Variants in IMMP2L observed in about 807,000 individuals in gnomAD.
The protein encoded by IMMP2L is inner mitochondrial membrane peptidase subunit 2.
Under a neutral mutation model 19.3 loss-of-function variants are expected in IMMP2L, and 18 were observed. That is an observed-to-expected ratio of 0.93 (90% CI 0.64 to 1.38). The LOEUF is 1.38. IMMP2L is among the 40% of genes most tolerant of loss of function. The pLI, the probability that IMMP2L is intolerant of heterozygous loss-of-function variation, is 0.00. For missense variants in IMMP2L, 233 were observed against 218.2 expected (o/e 1.07, Z -0.43); for synonymous variants, 76 against 73.0 (o/e 1.04, Z -0.21).
chr7:111,001,574 T>C (rs547311173), intron 3 of IMMP2L, among the ~76,000 whole-genome samples: 1 of 152,246 alleles, frequency 6.6e-6, no homozygotes, highest in African/African-American at 2.4e-5. Flanking sequence ...TATTATGAAA[T>C]TTGGAAAACA....
intron 2 of IMMP2L, among the ~76,000 whole-genome samples, chr7:111,491,623 T>C (rs926506249): frequency 1.3e-5 from 2 of 152,158 alleles, no homozygotes; most frequent in African/African-American, 4.8e-5. Flanking sequence ...TGCTGAGGAA[T>C]GGAGCTTTTG....
intron 1 of IMMP2L, among the ~76,000 whole-genome samples, chr7:111,546,381 G>C (rs555937445): frequency 2.0e-5 from 3 of 151,922 alleles, no homozygotes; most frequent in Non-Finnish European, 4.4e-5. Flanking sequence ...TTAAAAAAAG[G>C]CATCTCATTA....
intron 3 of IMMP2L, among the ~76,000 whole-genome samples, chr7:111,297,371 C>G (rs1173480905): frequency 6.6e-6 from 1 of 152,040 alleles, no homozygotes; most frequent in African/African-American, 2.4e-5. Context: ...AACTATGACT[C>G]TATTTCAAAA....
At chr7:111,378,385 T>C (rs1258819660) in intron 3 of IMMP2L, among the ~76,000 whole-genome samples, 1 of 151,996 alleles carries the variant, frequency 6.6e-6, no homozygotes, top group African/African-American at 2.4e-5. Context: ...AATATAAAAA[T>C]TGATAAAACT....
chr7:111,193,613 T>A (rs1247277580), intron 3 of IMMP2L, among the ~76,000 whole-genome samples: 6 of 152,014 alleles, frequency 3.9e-5, no homozygotes, highest in Admixed American at 3.3e-4. Context: ...AATATAGTCC[T>A]CCGAATGGGA....
At chr7:111,251,726 C>T (rs967121886) in intron 3 of IMMP2L, among the ~76,000 whole-genome samples, 3 of 151,960 alleles carry the variant, frequency 2.0e-5, no homozygotes, top group East Asian at 1.9e-4. Context: ...GGGAATACCA[C>T]GAACTGGGGC....
intron 3 of IMMP2L, among the ~76,000 whole-genome samples, chr7:111,036,874 T>C (rs934603393): frequency 6.6e-6 from 1 of 152,190 alleles, no homozygotes; most frequent in African/African-American, 2.4e-5. Context: ...CATTTATTCA[T>C]GATATCATAA....
chr7:111,373,588 T>G (rs1830431291), intron 3 of IMMP2L, among the ~76,000 whole-genome samples: 1 of 152,004 alleles, frequency 6.6e-6, no homozygotes, highest in Admixed American at 6.6e-5. Context: ...CTTGACAACT[T>G]CAGTTATAAG....
chr7:111,242,935 T>C (rs1815293812), intron 3 of IMMP2L, among the ~76,000 whole-genome samples: 1 of 152,134 alleles, frequency 6.6e-6, no homozygotes, highest in East Asian at 1.9e-4. Flanking sequence ...CACTGGTATT[T>C]CTTAATTTGT....
At chr7:110,772,058 T>C (rs1799078506) in intron 5 of IMMP2L, among the ~76,000 whole-genome samples, 1 of 152,140 alleles carries the variant, frequency 6.6e-6, no homozygotes, top group Admixed American at 6.6e-5. Flanking sequence ...TAGCAGCATA[T>C]GAAACCCTCC....
chr7:111,197,628 A>G (rs191267327), intron 3 of IMMP2L, among the ~76,000 whole-genome samples: 1 of 152,320 alleles, frequency 6.6e-6, no homozygotes, highest in East Asian at 1.9e-4. Context: ...CCAAAGTACC[A>G]TCTGTCATCA....
At chr7:111,273,945 TA>T (rs1818747942) in intron 3 of IMMP2L, among the ~76,000 whole-genome samples, 1 of 152,168 alleles carries the variant, frequency 6.6e-6, no homozygotes, top group South Asian at 2.1e-4. Flanking sequence ...ATATACTTCT[TA>T]AATTTTATGG....
chr7:110,993,528 C>T (rs1365576827), intron 3 of IMMP2L, among the ~76,000 whole-genome samples: 2 of 151,812 alleles, frequency 1.3e-5, no homozygotes, highest in African/African-American at 4.8e-5. Flanking sequence ...AACAGAAGTC[C>T]TCCCCAAAGC....
chr7:111,187,040 C>G (rs923774409), intron 3 of IMMP2L, among the ~76,000 whole-genome samples: 1 of 151,790 alleles, frequency 6.6e-6, no homozygotes, highest in Non-Finnish European at 1.5e-5. Flanking sequence ...ACTTTTTCTC[C>G]ATAAATGAAT....
At chr7:111,281,092 G>A (rs111861799) in intron 3 of IMMP2L, among the ~76,000 whole-genome samples, 11 of 45,112 alleles carry the variant, frequency 2.4e-4, no homozygotes, top group Admixed American at 2.0e-3. Context: ...AGGAAAGAGA[G>A]AGAAAGAGAG....
chr7:111,237,252 G>T (rs1325992174), intron 3 of IMMP2L, among the ~76,000 whole-genome samples: 1 of 152,022 alleles, frequency 6.6e-6, no homozygotes. Context: ...TCAGTAAAAG[G>T]AAGAAGAAAA....
At chr7:110,973,432 C>T (rs1820358889) in intron 3 of IMMP2L, among the ~76,000 whole-genome samples, 1 of 152,038 alleles carries the variant, frequency 6.6e-6, no homozygotes, top group Admixed American at 6.6e-5. Context: ...TTTCAAGAAG[C>T]TAAAGATTCT....
chr7:111,019,455 C>T (rs1419770574), intron 3 of IMMP2L, among the ~76,000 whole-genome samples: 1 of 152,070 alleles, frequency 6.6e-6, no homozygotes, highest in Non-Finnish European at 1.5e-5. Context: ...ACCCCACCCT[C>T]CTGGGAGCAC....
At chr7:110,746,810 A>G (rs1797374957) in intron 5 of IMMP2L, among the ~76,000 whole-genome samples, 1 of 152,226 alleles carries the variant, frequency 6.6e-6, no homozygotes, top group Admixed American at 6.5e-5. Context: ...GGAAAGATCT[A>G]AAATCGACAT....
Sources: gnomAD v4.1 joint callset for allele counts (sites outside exome capture counted in the v4.1 genomes callset) on GRCh38, gnomAD v4.1.1 for gene constraint, MANE v1.5 for transcripts, NCBI Gene and HGNC (gene_info 2026-07-23, HGNC 2026-07-21) for gene names.